GRID1: variants seen among roughly 807,000 people sequenced by gnomAD.
GRID1 encodes the protein glutamate receptor ionotropic, delta-1.
In GRID1, 28 loss-of-function variants were observed where a neutral mutation model predicts 98.0. The observed-to-expected ratio is 0.29, with a 90% CI of 0.21 to 0.39. GRID1 has a LOEUF of 0.39. Among genes scored for constraint, GRID1 ranks in the 10% least tolerant of loss-of-function variants. The pLI, the probability that GRID1 is intolerant of heterozygous loss-of-function variation, is 1.00. For synonymous variants in GRID1, 553 were observed against 538.5 expected, an observed-to-expected ratio of 1.03 and a Z score of -0.37; for missense variants, 1,111 against 1,340.5, an observed-to-expected ratio of 0.83 and a Z score of 2.67.
At chr10:86,003,106 C>T (rs948274056) in intron 4 of GRID1, among the ~76,000 whole-genome samples, 2 of 152,238 alleles carry the variant, frequency 1.3e-5, no homozygotes, top group African/African-American at 4.8e-5. Flanking sequence ...CAGAACCAGA[C>T]TAACCCAGAA....
At chr10:85,718,371 A>C (rs1841663129) in intron 12 of GRID1, among the ~76,000 whole-genome samples, 1 of 151,188 alleles carries the variant, frequency 6.6e-6, no homozygotes, top group South Asian at 2.1e-4. Flanking sequence ...CCACATATGG[A>C]GTCCACACCC....
chr10:86,010,026 G>T (rs1372814332), intron 4 of GRID1, among the ~76,000 whole-genome samples: 1 of 150,408 alleles, frequency 6.6e-6, no homozygotes, highest in African/African-American at 2.4e-5. Context: ...CACAGAATAG[G>T]ATCCAGGGCA....
At chr10:85,609,923 A>G (rs1348635999) in intron 15 of GRID1, among the ~76,000 whole-genome samples, 3 of 152,226 alleles carry the variant, frequency 2.0e-5, no homozygotes, top group Admixed American at 2.0e-4. Flanking sequence ...TGCATTGGGT[A>G]ACTACATAAT....
At chr10:85,976,493 G>A (rs185721592) in intron 4 of GRID1, among the ~76,000 whole-genome samples, 33 of 152,346 alleles carry the variant, frequency 2.2e-4, no homozygotes, top group East Asian at 9.7e-4. Context: ...TGAGTAGAAG[G>A]AAGGCTACAG....
At chr10:86,353,940 G>A (rs1848498497) in intron 2 of GRID1, among the ~76,000 whole-genome samples, 1 of 152,246 alleles carries the variant, frequency 6.6e-6, no homozygotes, top group Non-Finnish European at 1.5e-5. Context: ...GGCACTGTTG[G>A]GAGGGGGGCT....
chr10:85,916,743 G>C lies in GRID1; in HGVS notation c.727-504C>G, dbSNP rs958317382. 7.2e-5 allele frequency among the ~76,000 whole-genome samples: 11 copies of C among 152,200 alleles called. No homozygotes were observed. The highest frequency in any genetic ancestry group is 2.7e-4 in the African/African-American group (11 of 41,446). ...TTCCTTCAGTTCTTTAGGATCCATA[G>C]AACAAAGCTCTTTGTAGCTCCTGGG... is the stretch of plus-strand genomic sequence containing the variant. On this transcript the variant is annotated intron_variant, in intron 4 of 15. Coordinates refer to ENST00000327946, the MANE Select transcript of GRID1 (RefSeq NM_017551.3). This position sits in a 1 kb window ranked among gnomAD's most constrained non-coding sequence, Gnocchi z 4.0.
At chr10:85,742,333 G>T (rs1386728813) in intron 8 of GRID1, among the ~76,000 whole-genome samples, 2 of 152,136 alleles carry the variant, frequency 1.3e-5, no homozygotes, top group Non-Finnish European at 2.9e-5. Context: ...TCCACACATT[G>T]AGTAGTGGAG....
intron 8 of GRID1, among the ~76,000 whole-genome samples, chr10:85,772,825 T>C (rs925836065): frequency 3.3e-5 from 5 of 152,168 alleles, no homozygotes; most frequent in African/African-American, 1.2e-4. Flanking sequence ...ATTGGGGCAA[T>C]AATCAATAGC....
intron 3 of GRID1, among the ~76,000 whole-genome samples, chr10:86,176,202 C>G (rs530002832): frequency 7.2e-5 from 11 of 152,256 alleles, no homozygotes; most frequent in Non-Finnish European, 1.5e-4. Flanking sequence ...GTGAACAAAG[C>G]GTATTTCCTG....
intron 8 of GRID1, among the ~76,000 whole-genome samples, chr10:85,764,795 CA>C (rs1266875878): frequency 6.6e-6 from 1 of 152,162 alleles, no homozygotes; most frequent in East Asian, 1.9e-4. Context: ...GCATGCATGT[CA>C]GCCATAGTAC....
In GRID1 at chr10:86,144,064, C is replaced by T. The variant is rs551367765; in HGVS notation, c.521-5040G>A. Among the ~76,000 whole-genome samples the T allele has an allele frequency of 2.6e-5, 4 of 152,248 alleles. No homozygotes were observed. In the South Asian group the frequency reaches 8.3e-4, roughly 32 times the overall value. On this transcript the variant is annotated intron_variant, in intron 3 of 15. Coordinates refer to ENST00000327946, the MANE Select transcript of GRID1 (RefSeq NM_017551.3). ...TGAGCACTCTGTGTCTGTCTCTCCC[C>T]GGGTACAGGAAAACAAAACTGAATG... is the stretch of plus-strand genomic sequence containing the variant.
At position 86,206,566 on chromosome 10, in the gene GRID1, C is replaced by T. The variant is rs559010513; in HGVS notation, c.318G>A (p.Thr106=). Residue 106 remains threonine (T), a synonymous_variant, in exon 3 of 16, where the codon ACG becomes ACA. Transcript: ENST00000327946. The surrounding 1 kb of genome is among the most constrained non-coding windows in gnomAD (Gnocchi z 4.1). ...AGAGGTGTGGGATGTGCATGGCATC[C>T]GTGAGGGACTGCAGGGCATTGGCAG... ...CASANALQSL[T]DAMHIPHLFV... is the part of the protein sequence containing the mutation. 195 of 1,614,152 alleles carry T rather than the reference C, an allele frequency of 1.2e-4. 2 individuals carry two copies. In the South Asian group the frequency reaches 1.8e-3, roughly 15 times the overall value.
rs927119545 is a variant in GRID1 at position 85,876,672 on chromosome 10, G to C, written c.781-7492C>G. 2.0e-5 allele frequency among the ~76,000 whole-genome samples: 3 copies of C among 152,198 alleles called. No individual in the cohort carries two copies. The South Asian group carries it at 6.2e-4, about 31-fold the overall frequency. ...ACAGCTCCGGTCTACAGCTCCCAGC[G>C]TGAGTGACACAGAAGACAGGTGATT... On this transcript the variant is annotated intron_variant, in intron 5 of 15. Coordinates refer to ENST00000327946, the MANE Select transcript of GRID1 (RefSeq NM_017551.3).
chr10:86,127,943 G>A (rs1454013527), intron 4 of GRID1, among the ~76,000 whole-genome samples: 3 of 152,162 alleles, frequency 2.0e-5, no homozygotes, highest in Non-Finnish European at 4.4e-5. Flanking sequence ...CCTCTCAAGA[G>A]CATTCCCTCA....
intron 4 of GRID1, among the ~76,000 whole-genome samples, chr10:86,130,903 G>A (rs146665922): frequency 1.2e-4 from 18 of 152,242 alleles, no homozygotes; most frequent in East Asian, 5.8e-4. Flanking sequence ...GCCCAAAAGC[G>A]CTCACCCCAG....
chr10:86,020,809 G>A lies in GRID1; in HGVS notation c.727-104570C>T, dbSNP rs75845140. Among the ~76,000 whole-genome samples, 217 of 152,258 alleles carry A rather than the reference G, an allele frequency of 1.4e-3. 1 individual carries two copies. The highest frequency in any genetic ancestry group is 0.01 in the East Asian group (53 of 5,168). ...CCCTTCTGGGAGCAGCATCTTCCTG[G>A]TTCCTTGTGGGTTTGATGACAGTGA... On this transcript the variant is annotated intron_variant, in intron 4 of 15. Coordinates refer to ENST00000327946, the MANE Select transcript of GRID1 (RefSeq NM_017551.3).
intron 2 of GRID1, among the ~76,000 whole-genome samples, chr10:86,339,381 C>T (rs1848276949): frequency 6.6e-6 from 1 of 152,246 alleles, no homozygotes; most frequent in Non-Finnish European, 1.5e-5. Context: ...TGGCACGGGC[C>T]TGCCCATGGG....
intron 4 of GRID1, among the ~76,000 whole-genome samples, chr10:86,021,025 AT>A (rs1843041116): frequency 2.1e-5 from 3 of 142,296 alleles, no homozygotes; most frequent in African/African-American, 8.0e-5. Context: ...TCTGATTCTC[AT>A]ATGTGGTTAA....
chr10:85,927,665 C>G (rs1024025338), intron 4 of GRID1, among the ~76,000 whole-genome samples: 1 of 152,156 alleles, frequency 6.6e-6, no homozygotes, highest in African/African-American at 2.4e-5. Context: ...ACGAATCTCC[C>G]CAGAATATTC....
Sources: allele counts gnomAD v4.1 joint callset (sites outside exome capture counted in the v4.1 genomes callset), GRCh38; gene constraint gnomAD v4.1.1; non-coding constraint Gnocchi (gnomAD v3.1); transcripts MANE v1.5; gene names NCBI Gene and HGNC (gene_info 2026-07-23, HGNC 2026-07-21).